Variants in SERPINB11 observed in about 807,000 individuals in gnomAD.
The protein encoded by SERPINB11 is serpin family B member 11, also known as serpin B11.
In SERPINB11, 32 loss-of-function variants were observed where a neutral mutation model predicts 36.7. The observed-to-expected ratio is 0.87, with a 90% CI of 0.66 to 1.17. The LOEUF (loss-of-function observed/expected upper bound fraction) is 1.17, where lower values mean the gene tolerates loss of function less well. SERPINB11 is among the 50% of genes most tolerant of loss of function. The pLI, the probability that SERPINB11 is intolerant of heterozygous loss-of-function variation, is 0.00. For missense variants in SERPINB11, 528 were observed against 458.4 expected (o/e 1.15, Z -1.39); for synonymous variants, 174 against 168.1 (o/e 1.04, Z -0.27).
intron 2 of SERPINB11, 59 bp downstream of exon 2, chr18:63,710,420 G>T: frequency 7.1e-7 from 1 of 1,402,184 alleles, no homozygotes; most frequent in Non-Finnish European, 9.6e-7. Context: ...TCCCGCTCTG[G>T]GTCAGCAAAA....
chr18:63,719,771 G>A lies in SERPINB11; in HGVS notation c.476-242G>A, dbSNP rs577611452. Among the ~76,000 whole-genome samples, 21 of 152,128 alleles carry A rather than the reference G, an allele frequency of 1.4e-4. No individual in the cohort carries two copies. In the South Asian group the frequency reaches 4.4e-3, roughly 32 times the overall value. ...GGCATAAGACAAATTGATCCATCAC[G>A]AATATGCTGGCTACTTCCTGGGTGC... On this transcript the variant is annotated intron_variant, in intron 5 of 7. Transcript: ENST00000544088.
At chr18:63,719,337 A>G (rs964708232) in intron 5 of SERPINB11, among the ~76,000 whole-genome samples, 30 of 152,258 alleles carry the variant, frequency 2.0e-4, no homozygotes, top group African/African-American at 6.3e-4. Context: ...TAGAATTTCA[A>G]TGAAAATTAA....
rs181082183 is a variant in SERPINB11 at position 63,709,901 on chromosome 18, C to G, written c.-15-278C>G. Among the ~76,000 whole-genome samples, 4 of 152,172 alleles carry G rather than the reference C, an allele frequency of 2.6e-5. No homozygotes were observed. In the East Asian group the frequency reaches 7.7e-4, roughly 29 times the overall value. On this transcript the variant is annotated intron_variant, in intron 1 of 7. Coordinates refer to ENST00000544088, the MANE Select transcript of SERPINB11 (RefSeq NM_001370475.1). The stretch of plus-strand genomic sequence containing the variant: ...TTCCTTTTAATCTTTTGCTCCAGAA[C>G]TATTATAGATTATTTAAAAATATAC...
Position 63,712,649 on chromosome 18 carries a change from A to C in SERPINB11, c.313A>C (p.Ile105Leu). ...GCCAGACTCTAACTGTACCCTCAGC[A>C]TTGCCAACAGGCTCTACGGGACAAA... The part of the protein sequence containing the change: ...NQPDSNCTLS[I>L]ANRLYGTKTM... The change falls in exon 4 of 8, where the codon ATT (isoleucine) becomes CTT (leucine). Residue 105 changes from isoleucine to leucine, a missense_variant. Ile to Leu is a conservative substitution (Grantham distance 5). Transcript: ENST00000544088. The C allele has an allele frequency of 6.2e-7, 1 of 1,613,856 alleles. No individual in the cohort carries two copies. The highest frequency in any genetic ancestry group is 1.1e-5 in the South Asian group (1 of 91,074).
intron 1 of SERPINB11, among the ~76,000 whole-genome samples, chr18:63,709,071 C>T (rs897301809): frequency 2.0e-5 from 3 of 152,210 alleles, no homozygotes; most frequent in Admixed American, 6.5e-5. Flanking sequence ...GGTGCTCAAA[C>T]AATGTTTGTG....
chr18:63,703,200 T>C (rs186604774), intron 1 of SERPINB11, among the ~76,000 whole-genome samples, 194 bp downstream of exon 1: 1 of 152,324 alleles, frequency 6.6e-6, no homozygotes, highest in East Asian at 1.9e-4. Context: ...CCATTGATAG[T>C]GTGCATTTAA....
At chr18:63,721,086 T>C (rs2144551147) in intron 7 of SERPINB11, 100 bp downstream of exon 7, 1 of 1,127,280 alleles carries the variant, frequency 8.9e-7, no homozygotes, top group Middle Eastern at 3.0e-4. Context: ...AGCGTAGTCA[T>C]TGATTCACAA....
rs575490613 is a variant in SERPINB11 at position 63,723,142 on chromosome 18, G to T, written c.922G>T (p.Asp308Tyr). The T allele has an allele frequency of 7.5e-5, 121 of 1,611,060 alleles. 3 individuals are homozygous for T. The South Asian group carries it at 1.3e-3, about 17-fold the overall frequency. ...CCTGTTAAAATCTCTAGGGGTGACA[G>T]ATCTCTTCAACCAGGTCAAAGCTGA... Reference protein sequence around the residue: ...NSLLKSLGVTDLFNQVKADLS... With the variant: ...NSLLKSLGVTYLFNQVKADLS... The change falls in exon 8 of 8, where the codon GAT becomes TAT. Residue 308 changes from aspartate to tyrosine, a missense_variant. Transcript: ENST00000544088.
chr18:63,703,905 A>G (rs1479665187), intron 1 of SERPINB11, among the ~76,000 whole-genome samples: 2 of 152,238 alleles, frequency 1.3e-5, no homozygotes, highest in Non-Finnish European at 2.9e-5. Flanking sequence ...CTACAGTGAC[A>G]GATATCCTTC....
intron 1 of SERPINB11, among the ~76,000 whole-genome samples, chr18:63,707,494 A>G (rs1568182877): frequency 6.6e-6 from 1 of 152,246 alleles, no homozygotes; most frequent in East Asian, 1.9e-4. Context: ...CATTTGTAAT[A>G]TAAAATTTAT....
In SERPINB11 at chr18:63,712,645, C is replaced by T. The variant is rs759559859; in HGVS notation, c.309C>T (p.Leu103=). 3 of 1,613,848 alleles carry T rather than the reference C, an allele frequency of 1.9e-6. 1 individual carries two copies. The South Asian group carries it at 3.3e-5, about 18-fold the overall frequency. Reference sequence around the variant, plus strand: ...ACCAGCCAGACTCTAACTGTACCCTCAGCATTGCCAACAGGCTCTACGGGA... The same window carrying T: ...ACCAGCCAGACTCTAACTGTACCCTTAGCATTGCCAACAGGCTCTACGGGA... ...QINQPDSNCT[L]SIANRLYGTK... The change falls in exon 4 of 8, where the codon CTC becomes CTT. Residue 103 remains leucine (L), a synonymous_variant. Coordinates refer to ENST00000544088, the MANE Select transcript of SERPINB11 (RefSeq NM_001370475.1).
Position 63,715,016 on chromosome 18 carries a change from A to G in SERPINB11, c.358-1019A>G, listed in dbSNP as rs1226346826. Among the ~76,000 whole-genome samples, 3 of 152,236 alleles carry G rather than the reference A, an allele frequency of 2.0e-5. No homozygotes were observed. In the East Asian group the frequency reaches 5.8e-4, roughly 29 times the overall value. ...TAATTTGAGGAACTAATAAATGCCCATGAATTCTTCACAATTTATGTTCTT... is the reference window on the plus strand; with the variant it reads ...TAATTTGAGGAACTAATAAATGCCCGTGAATTCTTCACAATTTATGTTCTT... On this transcript the variant is annotated intron_variant, in intron 4 of 7. Coordinates refer to ENST00000544088, the MANE Select transcript of SERPINB11 (RefSeq NM_001370475.1).
intron 6 of SERPINB11, chr18:63,720,539 C>T (rs893825303): frequency 1.8e-4 from 69 of 376,286 alleles, no homozygotes; most frequent in African/African-American, 1.4e-3. Flanking sequence ...AATGATATAT[C>T]CTTTTTCTTC....
intron 1 of SERPINB11, among the ~76,000 whole-genome samples, chr18:63,706,339 G>C (rs1446127072): frequency 6.6e-6 from 1 of 152,132 alleles, no homozygotes; most frequent in Non-Finnish European, 1.5e-5. Context: ...CTAAATTGAT[G>C]ACAAACAAGG....
intron 7 of SERPINB11, among the ~76,000 whole-genome samples, chr18:63,721,538 C>T (rs572268041): frequency 6.6e-6 from 1 of 152,330 alleles, no homozygotes; most frequent in East Asian, 1.9e-4. Context: ...GTGCTTCTAA[C>T]AGCTGGACGT....
intron 5 of SERPINB11, among the ~76,000 whole-genome samples, chr18:63,718,877 A>ACTG (rs1914734277): frequency 6.6e-6 from 1 of 151,958 alleles, no homozygotes; most frequent in Admixed American, 6.6e-5. Context: ...ATATCTGTTA[A>ACTG]TTTACTTAGC....
intron 5 of SERPINB11, 62 bp from the exon 6 acceptor site, chr18:63,719,951 T>C (rs1030308399): frequency 7.6e-5 from 105 of 1,374,190 alleles, no homozygotes; most frequent in South Asian, 3.0e-4. Flanking sequence ...TTCTCATGAC[T>C]CTTCACCTCT....
chr18:63,720,228 A>T (rs998079429), intron 6 of SERPINB11, 73 bp downstream of exon 6: 1 of 1,314,190 alleles, frequency 7.6e-7, no homozygotes, highest in East Asian at 2.5e-5. Flanking sequence ...ATTTAGAAAG[A>T]TGTAGTGATT....
At position 63,717,023 on chromosome 18, in the gene SERPINB11, G is replaced by T. The variant is rs115814738; in HGVS notation, c.475+871G>T. Among the ~76,000 whole-genome samples, 170 of 152,076 alleles carry T rather than the reference G, an allele frequency of 1.1e-3. 1 individual carries two copies. In the East Asian group the frequency reaches 0.015, roughly 14 times the overall value. ...AGTTGTTAGAAAGAGGCACTGCAAG[G>T]TCCCCCTTAAATCCTCTTCTGGAAA... On this transcript the variant is annotated intron_variant, in intron 5 of 7. Transcript: ENST00000544088.
Sources: allele counts gnomAD v4.1 joint callset (sites outside exome capture counted in the v4.1 genomes callset), GRCh38; gene constraint gnomAD v4.1.1; transcripts MANE v1.5; gene names NCBI Gene and HGNC (gene_info 2026-07-23, HGNC 2026-07-21).